MEGF11: variants seen among roughly 807,000 people sequenced by gnomAD.
MEGF11 encodes multiple epidermal growth factor-like domains protein 11.
A neutral mutation model predicts 146.6 loss-of-function variants in MEGF11; 126 were observed. The ratio of observed to expected loss-of-function variants is 0.86; its 90% confidence interval spans 0.74 to 1.00. The LOEUF (loss-of-function observed/expected upper bound fraction) is 1.00, where lower values mean the gene tolerates loss of function less well. Among genes scored for constraint, MEGF11 ranks in the 50% least tolerant of loss-of-function variants. The probability of loss-of-function intolerance (pLI) is 0.00; values close to 1 mark genes in which losing one functional copy is unlikely to be tolerated. For synonymous variants in MEGF11, 532 were observed against 583.4 expected, an observed-to-expected ratio of 0.91 and a Z score of 1.27; for missense variants, 1,509 against 1,521.2, an observed-to-expected ratio of 0.99 and a Z score of 0.13.
chr15:66,104,407 T>C (rs1007925587), intron 4 of MEGF11, among the ~76,000 whole-genome samples: 1 of 152,212 alleles, frequency 6.6e-6, no homozygotes, highest in African/African-American at 2.4e-5. Flanking sequence ...CCTCTTACCA[T>C]AGTTACCATG....
chr15:66,106,116 AT>A (rs2087062771), intron 4 of MEGF11, among the ~76,000 whole-genome samples: 2 of 152,180 alleles, frequency 1.3e-5, no homozygotes, highest in Admixed American at 6.6e-5. Context: ...CAAAGAAGCG[AT>A]TCTGGCTCCC....
intron 5 of MEGF11, among the ~76,000 whole-genome samples, chr15:65,991,826 T>C (rs1383814208): frequency 6.6e-6 from 1 of 152,252 alleles, no homozygotes; most frequent in African/African-American, 2.4e-5. Flanking sequence ...TAGCTGACTG[T>C]ATCCATCTAG....
At chr15:66,239,747 T>C (rs12324050) in intron 1 of MEGF11, among the ~76,000 whole-genome samples, 47,827 of 152,138 alleles carry the variant, frequency 0.31, 7,755 homozygotes, top group Middle Eastern at 0.42. Flanking sequence ...GATGCTGTCA[T>C]GACTTCTGGG....
chr15:66,201,466 C>G (rs1465388295), intron 1 of MEGF11, among the ~76,000 whole-genome samples: 1 of 152,036 alleles, frequency 6.6e-6, no homozygotes, highest in African/African-American at 2.4e-5. Flanking sequence ...GCACACGGCA[C>G]CCAGGGGTGC....
Position 66,008,411 on chromosome 15 carries a change from G to GCACACACACA in MEGF11, c.395-25933_395-25924dup, listed in dbSNP as rs995843726. Among the ~76,000 whole-genome samples the GCACACACACA allele has an allele frequency of 6.6e-3, 345 of 52,078 alleles. 4 individuals carry two copies. Among genetic ancestry groups the GCACACACACA allele is most frequent in the African/African-American group, 0.016 (327 of 20,584 alleles). The allele number at this position is 52,078 out of a possible 152,430, so 34.2% of individuals were successfully genotyped here. A position where few individuals can be genotyped will look rare whatever the true frequency, so the allele number is the denominator to read the frequency against. On this transcript the variant is annotated intron_variant, in intron 5 of 25. Coordinates refer to ENST00000395614, the MANE Select transcript of MEGF11 (RefSeq NM_001385028.1). ...GAAACACACATGCACACGCGCGCGC[G>GCACACACACA]CACACACACACACACACACACACAC...
At chr15:66,133,677 TC>T (rs1248605321) in intron 1 of MEGF11, among the ~76,000 whole-genome samples, 2 of 152,114 alleles carry the variant, frequency 1.3e-5, no homozygotes, top group African/African-American at 2.4e-5. Flanking sequence ...GGATCAGCCC[TC>T]GTAATTAAGA....
chr15:65,924,090 G>A (rs1314491520), intron 13 of MEGF11, among the ~76,000 whole-genome samples: 1 of 151,686 alleles, frequency 6.6e-6, no homozygotes, highest in Non-Finnish European at 1.5e-5. Context: ...CATGCCCAGT[G>A]AACAGAGCCA....
intron 5 of MEGF11, among the ~76,000 whole-genome samples, chr15:65,983,086 T>G (rs1328250284): frequency 1.3e-5 from 2 of 152,164 alleles, no homozygotes; most frequent in African/African-American, 4.8e-5. Context: ...CTCCCCTGGC[T>G]CCATCTCCCT....
intron 1 of MEGF11, among the ~76,000 whole-genome samples, chr15:66,231,659 C>G (rs1369823904): frequency 6.6e-6 from 1 of 152,218 alleles, no homozygotes; most frequent in East Asian, 1.9e-4. Flanking sequence ...TCCCTGGACC[C>G]TTTTGTGCTC....
chr15:66,018,292 G>T (rs1470260803), intron 5 of MEGF11, among the ~76,000 whole-genome samples: 1 of 152,206 alleles, frequency 6.6e-6, no homozygotes, highest in Admixed American at 6.5e-5. Flanking sequence ...CCAGCCAGTG[G>T]CCCTGCCCAT....
intron 23 of MEGF11, 103 bp from the exon 24 acceptor site, chr15:65,906,244 T>G (rs779191142): frequency 3.5e-5 from 27 of 775,324 alleles, no homozygotes; most frequent in Non-Finnish European, 5.8e-5. Context: ...CCTTCTCCCC[T>G]ACCCAGAAAA....
intron 19 of MEGF11, chr15:65,914,248 TATTA>T (rs1410719438): frequency 7.6e-6 from 4 of 526,758 alleles, no homozygotes; most frequent in Admixed American, 3.3e-5. Flanking sequence ...AGTTAACAGA[TATTA>T]ATTCATTTAC....
intron 4 of MEGF11, among the ~76,000 whole-genome samples, chr15:66,115,394 A>G (rs1170859574): frequency 1.3e-5 from 2 of 152,128 alleles, no homozygotes; most frequent in Middle Eastern, 3.4e-3. Flanking sequence ...AAGCTCCCTC[A>G]CCCTGGGGTC....
At chr15:66,167,128 G>A (rs2090117802) in intron 1 of MEGF11, among the ~76,000 whole-genome samples, 1 of 152,120 alleles carries the variant, frequency 6.6e-6, no homozygotes, top group African/African-American at 2.4e-5. Context: ...GAGCCACCAT[G>A]GAGCTGGGCA....
At chr15:66,124,925 A>C (rs958065345) in intron 2 of MEGF11, among the ~76,000 whole-genome samples, 2 of 152,242 alleles carry the variant, frequency 1.3e-5, no homozygotes, top group Non-Finnish European at 2.9e-5. Flanking sequence ...ATTAATTTCT[A>C]TGTAGGCTGG....
intron 9 of MEGF11, among the ~76,000 whole-genome samples, chr15:65,964,318 T>A (rs1009576483): frequency 1.3e-5 from 2 of 152,174 alleles, no homozygotes; most frequent in Admixed American, 6.5e-5. Context: ...TGGCCCCAAG[T>A]TCAGGCCCTG....
At position 65,907,381 on chromosome 15, in the gene MEGF11, A is replaced by G. The variant is rs539836767; in HGVS notation, c.2999-1240T>C. Among the ~76,000 whole-genome samples the G allele has an allele frequency of 2.0e-5, 3 of 151,826 alleles. No individual in the cohort carries two copies. The East Asian group carries it at 5.8e-4, about 29-fold the overall frequency. On this transcript the variant is annotated intron_variant, in intron 23 of 25. Transcript: ENST00000395614. ...GCAATCTCTGTTCACTACAACCTCC[A>G]CCTTCCAGGTTCAATCGATTCTCCT...
intron 1 of MEGF11, among the ~76,000 whole-genome samples, chr15:66,182,952 A>G (rs1426484900): frequency 1.3e-5 from 2 of 152,174 alleles, no homozygotes; most frequent in African/African-American, 4.8e-5. Context: ...GAAACACACT[A>G]TGGAGAACTC....
chr15:65,994,283 A>C (rs1417470258), intron 5 of MEGF11, among the ~76,000 whole-genome samples: 1 of 152,144 alleles, frequency 6.6e-6, no homozygotes, highest in Non-Finnish European at 1.5e-5. Context: ...TGGCACTGAG[A>C]AGGATGCTTG....
Sources: allele counts gnomAD v4.1 joint callset (sites outside exome capture counted in the v4.1 genomes callset), GRCh38; gene constraint gnomAD v4.1.1; transcripts MANE v1.5; gene names NCBI Gene and HGNC (gene_info 2026-07-23, HGNC 2026-07-21).